The following CNTN3 variants were observed in gnomAD, a reference collection of about 807,000 sequenced individuals.
CNTN3 encodes the protein contactin-3.
Under a neutral mutation model 119.1 loss-of-function variants are expected in CNTN3, and 60 were observed. That is an observed-to-expected ratio of 0.50 (90% CI 0.41 to 0.62). The LOEUF (loss-of-function observed/expected upper bound fraction) is 0.62. CNTN3 is among the 20% of genes least tolerant of loss of function. The pLI is 0.00. For missense variants in CNTN3, 1,101 were observed against 1,242.4 expected (o/e 0.89, Z 1.71); for synonymous variants, 450 against 438.7 (o/e 1.03, Z -0.32).
At chr3:74,417,853 G>A (rs1701549755) in intron 5 of CNTN3, among the ~76,000 whole-genome samples, 1 of 152,148 alleles carries the variant, frequency 6.6e-6, no homozygotes, top group Non-Finnish European at 1.5e-5. Context: ...AGTCACATCA[G>A]TATTGACATA....
rs115333033 is a variant in CNTN3, at chr3:74,445,735, A to C, written c.359-20795T>G. ...AGAATGCTAGTAGAAAAGAATGTGCACTATCATTAAGAATCACAGGACAAG... is the reference window on the plus strand; with the variant it reads ...AGAATGCTAGTAGAAAAGAATGTGCCCTATCATTAAGAATCACAGGACAAG... On this transcript the variant is annotated intron_variant, in intron 4 of 22. Transcript: ENST00000263665. 7.1e-3 allele frequency among the ~76,000 whole-genome samples: 1,084 copies of C among 152,348 alleles called. 15 individuals are homozygous for C. The highest frequency in any genetic ancestry group is 0.025 in the African/African-American group (1,040 of 41,588).
At chr3:74,298,697 G>A (rs1044659495) in intron 17 of CNTN3, among the ~76,000 whole-genome samples, 3 of 151,706 alleles carry the variant, frequency 2.0e-5, no homozygotes, top group African/African-American at 7.3e-5. Context: ...AGGAGTTTGA[G>A]ACCAGTCTGT....
At chr3:74,294,810 C>A (rs1403425855) in intron 19 of CNTN3, among the ~76,000 whole-genome samples, 1 of 152,078 alleles carries the variant, frequency 6.6e-6, no homozygotes, top group Admixed American at 6.6e-5. Context: ...GATGAAAGTA[C>A]TCTATGAACT....
chr3:74,332,182 G>A (rs1388359709), intron 13 of CNTN3, among the ~76,000 whole-genome samples: 1 of 152,198 alleles, frequency 6.6e-6, no homozygotes, highest in East Asian at 1.9e-4. Context: ...GGGGAAAAAG[G>A]CAAGCAGACT....
intron 4 of CNTN3, among the ~76,000 whole-genome samples, chr3:74,476,684 G>C (rs1030487163): frequency 6.6e-6 from 1 of 152,112 alleles, no homozygotes; most frequent in African/African-American, 2.4e-5. Context: ...GAAAATGAGA[G>C]AGGGGTCAAA....
At chr3:74,577,807 T>G (rs1233237712) in intron 1 of CNTN3, among the ~76,000 whole-genome samples, 1 of 152,132 alleles carries the variant, frequency 6.6e-6, no homozygotes, top group South Asian at 2.1e-4. Flanking sequence ...CAGAAATCCA[T>G]GATTAGATAT....
intron 5 of CNTN3, among the ~76,000 whole-genome samples, chr3:74,379,885 A>T (rs972246247): frequency 2.0e-5 from 3 of 152,216 alleles, no homozygotes; most frequent in Non-Finnish European, 4.4e-5. Flanking sequence ...TTGCTAAAGA[A>T]AGGAGTTTAA....
At chr3:74,300,675 A>G (rs1702437002) in intron 16 of CNTN3, among the ~76,000 whole-genome samples, 2 of 152,190 alleles carry the variant, frequency 1.3e-5, no homozygotes, top group African/African-American at 2.4e-5. Flanking sequence ...TTACTGAAAC[A>G]TATTTGATGA....
intron 1 of CNTN3, among the ~76,000 whole-genome samples, chr3:74,579,176 A>T (rs1457380143): frequency 8.5e-6 from 1 of 117,810 alleles, no homozygotes; most frequent in African/African-American, 2.8e-5. Context: ...CCATAATGAT[A>T]AAAAAAATCA....
chr3:74,486,732 A>C (rs1350084467), intron 3 of CNTN3, 101 bp from the exon 4 acceptor site: 1 of 932,360 alleles, frequency 1.1e-6, no homozygotes, highest in Non-Finnish European at 1.6e-6. Flanking sequence ...TCAAAAGTAA[A>C]AAGTGATACA....
At chr3:74,486,200 G>GCA (rs79617168) in intron 4 of CNTN3, among the ~76,000 whole-genome samples, 19,193 of 147,718 alleles carry the variant, frequency 0.13, 1,343 homozygotes, top group Admixed American at 0.2. Context: ...CTAAAATAGA[G>GCA]CACACACACA....
At chr3:74,460,649 C>T (rs1002991079) in intron 4 of CNTN3, among the ~76,000 whole-genome samples, 1 of 151,150 alleles carries the variant, frequency 6.6e-6, no homozygotes, top group Non-Finnish European at 1.5e-5. Context: ...TGTGACCTTG[C>T]TGAATTCACT....
chr3:74,357,969 G>A (rs540358470), intron 11 of CNTN3, among the ~76,000 whole-genome samples: 1 of 151,250 alleles, frequency 6.6e-6, no homozygotes, highest in Non-Finnish European at 1.5e-5. Flanking sequence ...TTCTGATTTG[G>A]CTGAAGCCTG....
At chr3:74,518,459 T>A (rs1218452657) in intron 2 of CNTN3, among the ~76,000 whole-genome samples, 1 of 151,890 alleles carries the variant, frequency 6.6e-6, no homozygotes, top group Admixed American at 6.6e-5. Flanking sequence ...TCAAATCATA[T>A]TACACTGTGT....
At chr3:74,279,952 A>C (rs753897435) in intron 20 of CNTN3, among the ~76,000 whole-genome samples, 3 of 152,144 alleles carry the variant, frequency 2.0e-5, no homozygotes, top group Admixed American at 6.6e-5. Flanking sequence ...ACTATTTGAT[A>C]GCATAACAGG....
chr3:74,307,624 T>C (rs1702591860), intron 13 of CNTN3, among the ~76,000 whole-genome samples: 1 of 152,136 alleles, frequency 6.6e-6, no homozygotes, highest in Non-Finnish European at 1.5e-5. Flanking sequence ...CACTACCTGA[T>C]TTGATAACCC....
chr3:74,301,437 G>A lies in CNTN3; in HGVS notation c.2056C>T (p.Pro686Ser). The A allele has an allele frequency of 6.2e-7, 1 of 1,613,976 alleles. No individual in the cohort carries two copies. Among genetic ancestry groups the A allele is most frequent in the South Asian group, 1.1e-5 (1 of 91,078 alleles). The part of the protein sequence containing the change: ...VASNKIGGGE[P>S]SLPSEKVRTE... ...CTTACTTTTTCTGAGGGTAAACTTG[G>A]TTCTCCACCTCCAATTTTGTTACTG... Residue 686 changes from proline to serine, a missense_variant, in exon 16 of 23, where the codon CCA becomes TCA. Transcript: ENST00000263665.
intron 5 of CNTN3, among the ~76,000 whole-genome samples, chr3:74,415,259 T>C (rs144434761): frequency 6.6e-6 from 1 of 152,240 alleles, no homozygotes; most frequent in African/African-American, 2.4e-5. Flanking sequence ...CATGCTGCTG[T>C]GAGAACAATG....
At chr3:74,392,170 G>C (rs1368261049) in intron 5 of CNTN3, among the ~76,000 whole-genome samples, 1 of 152,134 alleles carries the variant, frequency 6.6e-6, no homozygotes, top group Non-Finnish European at 1.5e-5. Context: ...TATAAACTAG[G>C]TTCCAAGAAT....
Sources: gnomAD v4.1 joint callset for allele counts (sites outside exome capture counted in the v4.1 genomes callset) on GRCh38, gnomAD v4.1.1 for gene constraint, MANE v1.5 for transcripts, NCBI Gene and HGNC (gene_info 2026-07-23, HGNC 2026-07-21) for gene names.